Variants in CRISP2 observed in about 807,000 individuals in gnomAD.
The protein encoded by CRISP2 is cysteine rich secretory protein 2, also known as cysteine-rich secretory protein 2.
In CRISP2, 29 loss-of-function variants were observed where a neutral mutation model predicts 31.7. That is an observed-to-expected ratio of 0.92 (90% confidence interval 0.68 to 1.25). The LOEUF (loss-of-function observed/expected upper bound fraction) is 1.25. CRISP2 is among the 50% of genes most tolerant of loss of function. CRISP2 has a pLI of 0.00. For synonymous variants in CRISP2, 111 were observed against 101.4 expected (o/e 1.09, Z -0.57); for missense variants, 318 against 286.5 (o/e 1.11, Z -0.79).
the CRISP2 span, among the ~76,000 whole-genome samples, chr6:49,684,305 C>T: frequency 6.6e-6 from 1 of 152,228 alleles, no homozygotes; most frequent in African/African-American, 2.4e-5. Context: ...CTTATAATAC[C>T]AGATACAATT....
intron 4 of CRISP2, among the ~76,000 whole-genome samples, chr6:49,705,296 C>T (rs2127424471): frequency 6.6e-6 from 1 of 152,150 alleles, no homozygotes; most frequent in Admixed American, 6.5e-5. Context: ...GGTGGAAAGC[C>T]AGAAGTGACA....
chr6:49,711,702 A>G (rs1452558631), intron 2 of CRISP2, among the ~76,000 whole-genome samples: 1 of 152,144 alleles, frequency 6.6e-6, no homozygotes, highest in Non-Finnish European at 1.5e-5. Context: ...TCAGCTGTCT[A>G]TGATTTTTAC....
downstream of CRISP2, among the ~76,000 whole-genome samples, chr6:49,687,886 C>T (rs527964144): frequency 6.6e-6 from 1 of 152,288 alleles, no homozygotes; most frequent in East Asian, 1.9e-4. Context: ...ACAGTTACCC[C>T]TCCCCTGATG....
chr6:49,694,025 A>G (rs191684740), intron 9 of CRISP2, among the ~76,000 whole-genome samples: 2 of 152,342 alleles, frequency 1.3e-5, no homozygotes, highest in Admixed American at 6.5e-5. Context: ...TAGGCACTAA[A>G]GAATTAATTA....
chr6:49,702,950 G>C (rs1766354045), intron 4 of CRISP2, among the ~76,000 whole-genome samples: 1 of 152,118 alleles, frequency 6.6e-6, no homozygotes, highest in African/African-American at 2.4e-5. Context: ...TACATGGTTT[G>C]GTCTTAGATT....
chr6:49,686,827 G>A, the CRISP2 span, among the ~76,000 whole-genome samples: 1 of 152,166 alleles, frequency 6.6e-6, no homozygotes, highest in Non-Finnish European at 1.5e-5. Flanking sequence ...TGATAGACTG[G>A]ATTAAGAAAA....
At chr6:49,703,956 C>T (rs1041177541) in intron 4 of CRISP2, among the ~76,000 whole-genome samples, 1 of 152,072 alleles carries the variant, frequency 6.6e-6, no homozygotes, top group African/African-American at 2.4e-5. Flanking sequence ...GTTTTCCAAA[C>T]TTTTAGATGT....
At chr6:49,697,536 A>T (rs1232389523) in intron 8 of CRISP2, 1 of 404,320 alleles carries the variant, frequency 2.5e-6, no homozygotes, top group East Asian at 6.8e-5. Context: ...TAGAGTATGA[A>T]ATTAGCAAGA....
chr6:49,706,366 A>T (rs1157373860), intron 4 of CRISP2, among the ~76,000 whole-genome samples: 21 of 152,202 alleles, frequency 1.4e-4, no homozygotes, highest in Admixed American at 1.4e-3. Flanking sequence ...TTAAAAGATA[A>T]CTTTGTAAAA....
At chr6:49,705,097 G>T (rs1766792481) in intron 4 of CRISP2, among the ~76,000 whole-genome samples, 1 of 152,032 alleles carries the variant, frequency 6.6e-6, no homozygotes, top group African/African-American at 2.4e-5. Flanking sequence ...TTTGTCTTTG[G>T]CTACCAGGTT....
chr6:49,699,965 G>C, intron 5 of CRISP2, 74 bp from the exon 6 acceptor site: 1 of 1,312,160 alleles, frequency 7.6e-7, no homozygotes, highest in Middle Eastern at 1.9e-4. Flanking sequence ...AATCTGATTT[G>C]TAAATACTTT....
At chr6:49,702,150 T>TGTGTACATATATATATATGTGTAC (rs1419206426) in intron 4 of CRISP2, among the ~76,000 whole-genome samples, 3 of 43,392 alleles carry the variant, frequency 6.9e-5, no homozygotes, top group African/African-American at 5.0e-4. Context: ...TATATATATA[T>TGTGTACATATATATATATGTGTAC]ATATATATAT....
intron 4 of CRISP2, among the ~76,000 whole-genome samples, chr6:49,702,761 T>C (rs1004261091): frequency 1.3e-4 from 20 of 152,164 alleles, no homozygotes; most frequent in Non-Finnish European, 4.4e-5. Flanking sequence ...TTATGTTTAC[T>C]CTGCTGATTA....
chr6:49,700,825 G>C (rs1561873923), intron 4 of CRISP2, 41 bp from the exon 5 acceptor site: 1 of 1,273,146 alleles, frequency 7.9e-7, no homozygotes, highest in East Asian at 2.4e-5. Flanking sequence ...TAACAATATT[G>C]TAAATTTCAT....
intron 4 of CRISP2, among the ~76,000 whole-genome samples, chr6:49,704,919 C>G (rs1766751888): frequency 6.6e-6 from 1 of 152,118 alleles, no homozygotes; most frequent in African/African-American, 2.4e-5. Flanking sequence ...TTTTGTCTTT[C>G]CTTGGAGTAG....
chr6:49,689,701 T>A (rs1459375281), downstream of CRISP2, among the ~76,000 whole-genome samples: 1 of 152,174 alleles, frequency 6.6e-6, no homozygotes, highest in Non-Finnish European at 1.5e-5. Flanking sequence ...GTACATTAAA[T>A]ATTTTCTAAT....
rs557789311 is a variant in CRISP2 at position 49,704,410 on chromosome 6, T to TG, written c.67-3627dup. On this transcript the variant is annotated intron_variant, in intron 4 of 9. Transcript: ENST00000339139. ...TTTATGGTGAGCTAGTGTGATCTTTTGGGGATGTTATAGAACGTTGTTTTG... is the reference window on the plus strand; with the variant it reads ...TTTATGGTGAGCTAGTGTGATCTTTTGGGGGATGTTATAGAACGTTGTTTTG... 3.7e-4 allele frequency among the ~76,000 whole-genome samples: 57 copies of TG among 152,280 alleles called. 1 individual carries two copies. Among genetic ancestry groups the TG allele is most frequent in the African/African-American group, 1.3e-3 (53 of 41,560 alleles).
At chr6:49,697,226 T>C (rs948608892) in intron 8 of CRISP2, among the ~76,000 whole-genome samples, 4 of 152,180 alleles carry the variant, frequency 2.6e-5, no homozygotes, top group African/African-American at 9.7e-5. Context: ...TATTGTTTAA[T>C]GAAGAAGCAT....
intron 9 of CRISP2, among the ~76,000 whole-genome samples, chr6:49,693,766 G>A (rs138821648): frequency 1.5e-3 from 226 of 151,920 alleles, no homozygotes; most frequent in African/African-American, 5.1e-3. Context: ...GTATTTTTCA[G>A]CTTCAGGATT....
Sources: gnomAD v4.1 joint callset for allele counts (sites outside exome capture counted in the v4.1 genomes callset) on GRCh38, gnomAD v4.1.1 for gene constraint, MANE v1.5 for transcripts, NCBI Gene and HGNC (gene_info 2026-07-23, HGNC 2026-07-21) for gene names.